The following PPFIA2 variants were observed in gnomAD, a reference collection of about 807,000 sequenced individuals.
PPFIA2 encodes the protein PPFI scaffold protein A2, also known as liprin-alpha-2.
Under a neutral mutation model 175.5 loss-of-function variants are expected in PPFIA2, and 46 were observed. The observed-to-expected ratio is 0.26, with a 90% confidence interval of 0.21 to 0.34. The LOEUF is 0.34. Among genes scored for constraint, PPFIA2 ranks in the 10% least tolerant of loss-of-function variants. PPFIA2 has a pLI of 1.00. For missense variants in PPFIA2, 1,179 were observed against 1,506.1 expected (o/e 0.78, Z 3.60); for synonymous variants, 568 against 511.4 (o/e 1.11, Z -1.49).
At chr12:81,501,701 T>A (rs898351807) in intron 4 of PPFIA2, among the ~76,000 whole-genome samples, 1 of 152,220 alleles carries the variant, frequency 6.6e-6, no homozygotes, top group African/African-American at 2.4e-5. Context: ...TGTGGTCATA[T>A]TTACTAAAAC....
chr12:81,660,483 G>C (rs1212632917), intron 4 of PPFIA2, among the ~76,000 whole-genome samples: 3 of 152,138 alleles, frequency 2.0e-5, no homozygotes, highest in African/African-American at 7.2e-5. Flanking sequence ...GAAGTGAGAA[G>C]AGAAGTTCAG....
intron 5 of PPFIA2, among the ~76,000 whole-genome samples, chr12:81,455,980 T>C (rs568406016): frequency 5.3e-5 from 8 of 152,324 alleles, no homozygotes; most frequent in African/African-American, 1.9e-4. Context: ...TAGATGAACC[T>C]ACACAGCTAA....
rs184827317 is a variant in PPFIA2 at position 81,329,862 on chromosome 12, C to T, written c.2549-3992G>A. Among the ~76,000 whole-genome samples the T allele has an allele frequency of 1.4e-4, 22 of 152,316 alleles. No homozygotes were observed. The East Asian group carries it at 4.2e-3, about 29-fold the overall frequency. The stretch of plus-strand genomic sequence containing the variant: ...CATTTCGATGCTTCCAGTGATTAGA[C>T]CCCGGGTCCGGGTCTCAGCTGGGGG... On this transcript the variant is annotated intron_variant, in intron 21 of 32. Coordinates refer to ENST00000549396, the MANE Select transcript of PPFIA2 (RefSeq NM_003625.5).
intron 17 of PPFIA2, among the ~76,000 whole-genome samples, chr12:81,348,692 C>T (rs901939148): frequency 2.0e-4 from 30 of 151,916 alleles, no homozygotes; most frequent in Admixed American, 1.7e-3. Context: ...GCCGAGATAG[C>T]GCCACTGCAC....
In PPFIA2 at chr12:81,405,826, A is replaced by T; in HGVS notation, c.723T>A (p.His241Gln). 2 of 1,581,670 alleles carry T rather than the reference A, an allele frequency of 1.3e-6. No individual in the cohort carries two copies. Among genetic ancestry groups the T allele is most frequent in the South Asian group, 1.2e-5 (1 of 86,384 alleles). Residue 241 changes from histidine (H) to glutamine (Q), a missense_variant, in exon 8 of 33, where the codon CAT (histidine) becomes CAA (glutamine). By Grantham distance (24) the His-to-Gln change is conservative. This residue lies in a region of PPFIA2 where 226 missense variants were observed against 216.6 expected (regional missense o/e 1.04). Transcript: ENST00000549396. ...TCTGTCCAGGTTCCATCCCTTCAAG[A>T]TGTTCTGACTCTGTGGATCCCTCGC... Reference protein sequence around the residue: ...ASSEGSTESEHLEGMEPGQKV... With the variant: ...ASSEGSTESEQLEGMEPGQKV...
intron 4 of PPFIA2, among the ~76,000 whole-genome samples, chr12:81,536,548 T>C (rs2065404216): frequency 6.6e-6 from 1 of 150,830 alleles, no homozygotes; most frequent in Admixed American, 6.6e-5. Flanking sequence ...AATTTTAAAT[T>C]TTATATTGAA....
chr12:81,657,750 C>A (rs1280791220), intron 4 of PPFIA2, among the ~76,000 whole-genome samples: 1 of 151,934 alleles, frequency 6.6e-6, no homozygotes. Flanking sequence ...TACCTTTGGA[C>A]CAAGAAAAGA....
At chr12:81,618,377 T>C (rs961293269) in intron 4 of PPFIA2, among the ~76,000 whole-genome samples, 2 of 152,074 alleles carry the variant, frequency 1.3e-5, no homozygotes, top group Admixed American at 6.6e-5. Flanking sequence ...TAAATATTTA[T>C]TAAATAAATT....
At chr12:81,593,388 A>G (rs896667416) in intron 4 of PPFIA2, among the ~76,000 whole-genome samples, 2 of 152,222 alleles carry the variant, frequency 1.3e-5, no homozygotes, top group Non-Finnish European at 2.9e-5. Context: ...ACATCTTTAG[A>G]TACTATCCCT....
At chr12:81,315,079 G>A (rs1234052200) in intron 22 of PPFIA2, among the ~76,000 whole-genome samples, 1 of 151,702 alleles carries the variant, frequency 6.6e-6, no homozygotes, top group African/African-American at 2.4e-5. Context: ...GCAATTCAGG[G>A]CACTTGGATG....
chr12:81,392,085 A>G (rs2040232958), intron 8 of PPFIA2, among the ~76,000 whole-genome samples: 1 of 151,920 alleles, frequency 6.6e-6, no homozygotes, highest in South Asian at 2.1e-4. Flanking sequence ...AGACAGGACA[A>G]AAAAAGGAAT....
intron 3 of PPFIA2, among the ~76,000 whole-genome samples, chr12:81,682,243 A>G (rs2073771036): frequency 6.6e-6 from 1 of 152,040 alleles, no homozygotes; most frequent in African/African-American, 2.4e-5. Flanking sequence ...ATGTGTGCAC[A>G]CTGAGCAAAG....
intron 13 of PPFIA2, chr12:81,368,228 G>C (rs535519893): frequency 2.3e-5 from 26 of 1,132,900 alleles, no homozygotes; most frequent in African/African-American, 3.2e-5. Context: ...CACTATTTCT[G>C]AAATAATGCA....
intron 22 of PPFIA2, among the ~76,000 whole-genome samples, chr12:81,300,156 A>T (rs2047462923): frequency 6.6e-6 from 1 of 152,208 alleles, no homozygotes; most frequent in South Asian, 2.1e-4. Context: ...TAGAATTGAC[A>T]TCCACTTACA....
intron 7 of PPFIA2, among the ~76,000 whole-genome samples, chr12:81,406,268 TG>T (rs1328234941): frequency 3.3e-5 from 5 of 152,146 alleles, no homozygotes; most frequent in African/African-American, 1.2e-4. Flanking sequence ...AATGTTTTTT[TG>T]GTCTGTATTT....
At chr12:81,649,476 T>A (rs1425731382) in intron 4 of PPFIA2, among the ~76,000 whole-genome samples, 1 of 152,204 alleles carries the variant, frequency 6.6e-6, no homozygotes, top group Non-Finnish European at 1.5e-5. Context: ...TGATGCCAAA[T>A]GACATTTCAT....
intron 4 of PPFIA2, among the ~76,000 whole-genome samples, chr12:81,517,828 A>C (rs1308191871): frequency 6.6e-6 from 1 of 151,884 alleles, no homozygotes; most frequent in African/African-American, 2.4e-5. Flanking sequence ...ATTACCACAT[A>C]CAAGCTATTA....
intron 4 of PPFIA2, among the ~76,000 whole-genome samples, chr12:81,501,040 C>T (rs1043894540): frequency 5.9e-5 from 9 of 152,202 alleles, no homozygotes; most frequent in Non-Finnish European, 1.0e-4. Flanking sequence ...CCAATCAGCC[C>T]TACTGTTAGC....
intron 4 of PPFIA2, among the ~76,000 whole-genome samples, chr12:81,630,240 T>G (rs2063212301): frequency 6.6e-6 from 1 of 152,172 alleles, no homozygotes; most frequent in Non-Finnish European, 1.5e-5. Flanking sequence ...TTATGTAGTT[T>G]TAAACTATAA....
Sources: allele counts gnomAD v4.1 joint callset (sites outside exome capture counted in the v4.1 genomes callset), GRCh38; gene constraint gnomAD v4.1.1; regional missense constraint gnomAD v4.1.1; transcripts MANE v1.5; gene names NCBI Gene and HGNC (gene_info 2026-07-23, HGNC 2026-07-21).